Variants in NCAPG2 observed in about 807,000 individuals in gnomAD.
NCAPG2 encodes non-SMC condensin II complex subunit G2.
NCAPG2 carries 53 observed loss-of-function variants against 141.1 expected under a neutral mutation model. The observed-to-expected ratio is 0.38, with a 90% confidence interval of 0.30 to 0.47. The LOEUF (loss-of-function observed/expected upper bound fraction) is 0.47. NCAPG2 is among the 20% of genes least tolerant of loss of function. The pLI is 0.99. For missense variants in NCAPG2, 1,087 were observed against 1,389.0 expected (o/e 0.78, Z 3.46); for synonymous variants, 499 against 490.7 (o/e 1.02, Z -0.22).
At chr7:158,652,677 C>T (rs896673914) in intron 22 of NCAPG2, among the ~76,000 whole-genome samples, 197 bp from the exon 23 acceptor site, 8 of 152,152 alleles carry the variant, frequency 5.3e-5, no homozygotes, top group Admixed American at 1.3e-4. Context: ...ATAAGTATGA[C>T]GTTTGTCCCA....
intron 11 of NCAPG2, among the ~76,000 whole-genome samples, chr7:158,678,999 G>A (rs1311732632): frequency 6.6e-6 from 1 of 152,048 alleles, no homozygotes; most frequent in Non-Finnish European, 1.5e-5. Context: ...ACACCGGGCT[G>A]TTTTTTTGTT....
chr7:158,672,030 G>A (rs1045986220), intron 12 of NCAPG2, among the ~76,000 whole-genome samples: 1 of 151,984 alleles, frequency 6.6e-6, no homozygotes, highest in Non-Finnish European at 1.5e-5. Flanking sequence ...CCAAGTCCAA[G>A]AACTCTGCAT....
chr7:158,655,488 G>A, intron 19 of NCAPG2, 33 bp from the exon 20 acceptor site: 1 of 1,554,720 alleles, frequency 6.4e-7, no homozygotes, highest in African/African-American at 1.4e-5. Flanking sequence ...GCCACATGCT[G>A]ACTGACAAGG....
In NCAPG2 at chr7:158,653,915, G is replaced by T. The variant is rs563638547; in HGVS notation, c.2746+680C>A. On this transcript the variant is annotated intron_variant, in intron 22 of 27. Transcript: ENST00000356309. ...AGCTACACCACAGAAGCGGCTGAGG[G>T]GGAGGCTGGCCGTTAGGGGTTAGGG... 1.1e-4 allele frequency among the ~76,000 whole-genome samples: 16 copies of T among 152,284 alleles called. No individual in the cohort carries two copies. In the South Asian group the frequency reaches 3.3e-3, roughly 32 times the overall value.
At chr7:158,645,642 C>T (rs1213809822) in intron 25 of NCAPG2, 23 bp from the exon 26 acceptor site, 1 of 1,594,442 alleles carries the variant, frequency 6.3e-7, no homozygotes, top group South Asian at 1.1e-5. Context: ...CAACAAACAT[C>T]AAAATTACTG....
intron 21 of NCAPG2, 81 bp downstream of exon 21, chr7:158,655,037 C>A: frequency 1.4e-6 from 2 of 1,454,078 alleles, no homozygotes; most frequent in Non-Finnish European, 1.8e-6. Flanking sequence ...TCTAAAATTA[C>A]CACTCTAAAG....
chr7:158,659,260 C>T (rs1424632653), intron 16 of NCAPG2, among the ~76,000 whole-genome samples: 1 of 140,478 alleles, frequency 7.1e-6, no homozygotes. Flanking sequence ...ACCCAGGAGG[C>T]AGAGGCTGCA....
At chr7:158,638,763 A>G (rs1484366796) in intron 27 of NCAPG2, among the ~76,000 whole-genome samples, 3 of 152,206 alleles carry the variant, frequency 2.0e-5, no homozygotes, top group African/African-American at 7.2e-5. Context: ...AGTAACAAAA[A>G]ATCAGTAAAA....
At chr7:158,694,512 G>A (rs1209092343) in intron 2 of NCAPG2, among the ~76,000 whole-genome samples, 1 of 152,206 alleles carries the variant, frequency 6.6e-6, no homozygotes, top group Non-Finnish European at 1.5e-5. Flanking sequence ...GACAGACCAT[G>A]CCATGCGCTT....
At chr7:158,677,520 TAAAGCAA>T (rs1834136921) in intron 11 of NCAPG2, among the ~76,000 whole-genome samples, 1 of 9,058 alleles carries the variant, frequency 1.1e-4, no homozygotes, top group South Asian at 2.2e-3. Flanking sequence ...ATGATAAAAA[TAAAGCAA>T]AAAAAAAAAA....
chr7:158,693,262 C>CAA, intron 3 of NCAPG2, 47 bp downstream of exon 3: 1 of 1,554,608 alleles, frequency 6.4e-7, no homozygotes, highest in Non-Finnish European at 8.7e-7. Flanking sequence ...TATTTTTTGA[C>CAA]AAAAAAAAGA....
chr7:158,635,046 AG>A (rs1474297547), intron 27 of NCAPG2, among the ~76,000 whole-genome samples: 1 of 152,216 alleles, frequency 6.6e-6, no homozygotes, highest in Non-Finnish European at 1.5e-5. Flanking sequence ...CTTCTATGTC[AG>A]GTTAGGATCA....
At position 158,636,023 on chromosome 7, in the gene NCAPG2, G is replaced by A. The variant is rs566316310; in HGVS notation, c.3381-4306C>T. On this transcript the variant is annotated intron_variant, in intron 27 of 27. Transcript: ENST00000356309. ...TATAGTTTGCTTCTTGCATATTTAA[G>A]TAAGAAGCCAATATTTCACAGTCCT... Among the ~76,000 whole-genome samples, 6 of 152,110 alleles carry A rather than the reference G, an allele frequency of 3.9e-5. No individual in the cohort carries two copies. The East Asian group carries it at 1.2e-3, about 29-fold the overall frequency.
chr7:158,650,743 T>G, intron 24 of NCAPG2, 89 bp downstream of exon 24: 66 of 1,436,282 alleles, frequency 4.6e-5, no homozygotes, highest in Non-Finnish European at 5.7e-5. Flanking sequence ...AAAAATACTT[T>G]GAGAAACGTA....
chr7:158,694,062 G>A (rs1320920504), intron 2 of NCAPG2, among the ~76,000 whole-genome samples: 1 of 152,132 alleles, frequency 6.6e-6, no homozygotes, highest in Non-Finnish European at 1.5e-5. Flanking sequence ...GGAACAATGT[G>A]AGCACCAAAA....
At chr7:158,657,306 A>T (rs1378557302) in intron 17 of NCAPG2, among the ~76,000 whole-genome samples, 1 of 152,204 alleles carries the variant, frequency 6.6e-6, no homozygotes, top group Non-Finnish European at 1.5e-5. Flanking sequence ...GGCTGACTCC[A>T]TATGTATTTT....
chr7:158,704,221 T>G (rs1339279642), intron 1 of NCAPG2, among the ~76,000 whole-genome samples: 13 of 129,692 alleles, frequency 1.0e-4, no homozygotes, highest in Non-Finnish European at 1.8e-4. Flanking sequence ...CTGAGGGTAG[T>G]GCCCATGCCC....
At chr7:158,689,988 AAT>A in intron 5 of NCAPG2, 35 bp from the exon 6 acceptor site, 1 of 1,466,248 alleles carries the variant, frequency 6.8e-7, no homozygotes, top group Non-Finnish European at 9.0e-7. Flanking sequence ...TACCTTTTTC[AAT>A]GAACAGTAAA....
rs780543862 is a variant in NCAPG2 at position 158,664,780 on chromosome 7, A to G, written c.1480-30T>C. ...GCAAAAAGCACATATGCAGAAGGAA[A>G]TAATCAATTGTGCCTGTAACCCTGG... On this transcript the variant is annotated intron_variant, in intron 13 of 27. Transcript: ENST00000356309. The G allele has an allele frequency of 1.0e-5, 16 of 1,577,652 alleles. No individual in the cohort carries two copies. The South Asian group carries it at 1.3e-4, about 13-fold the overall frequency.
Sources: allele counts gnomAD v4.1 joint callset (sites outside exome capture counted in the v4.1 genomes callset), GRCh38; gene constraint gnomAD v4.1.1; transcripts MANE v1.5; gene names NCBI Gene and HGNC (gene_info 2026-07-23, HGNC 2026-07-21).